The following RORA variants were observed in gnomAD, a reference collection of about 807,000 sequenced individuals.
The protein encoded by RORA is RAR related orphan receptor A.
In RORA, 7 loss-of-function variants were observed where a neutral mutation model predicts 69.5. The ratio of observed to expected loss-of-function variants is 0.10; its 90% CI spans 0.06 to 0.19. The LOEUF (loss-of-function observed/expected upper bound fraction) is 0.19. RORA is among the 10% of genes least tolerant of loss of function. The pLI is 1.00. For synonymous variants in RORA, 261 were observed against 240.8 expected (o/e 1.08, Z -0.78); for missense variants, 457 against 663.0 (o/e 0.69, Z 3.41).
chr15:60,929,635 G>C (rs561961375), intron 1 of RORA, among the ~76,000 whole-genome samples: 2 of 152,306 alleles, frequency 1.3e-5, no homozygotes, highest in African/African-American at 4.8e-5. Context: ...TGTTTGGTTG[G>C]GAAATCTTAC....
At chr15:61,192,081 G>A (rs900953557) in intron 1 of RORA, among the ~76,000 whole-genome samples, 3 of 152,204 alleles carry the variant, frequency 2.0e-5, no homozygotes, top group African/African-American at 7.2e-5. Flanking sequence ...AACAGAGGTC[G>A]TGTCAGCACA....
At chr15:60,561,011 G>A (rs1400220420) in intron 2 of RORA, among the ~76,000 whole-genome samples, 2 of 145,658 alleles carry the variant, frequency 1.4e-5, no homozygotes. Flanking sequence ...TGGCAGTGAT[G>A]TTTTAAAATG....
At chr15:61,024,424 C>T (rs1319480943) in intron 1 of RORA, among the ~76,000 whole-genome samples, 2 of 149,794 alleles carry the variant, frequency 1.3e-5, no homozygotes, top group African/African-American at 4.9e-5. Flanking sequence ...GCTGGGACTG[C>T]AGGTGCAAGC....
At position 61,119,442 on chromosome 15, in the gene RORA, A is replaced by T. The variant is rs557847804; in HGVS notation, c.166+109611T>A. 2.0e-5 allele frequency among the ~76,000 whole-genome samples: 3 copies of T among 151,166 alleles called. No homozygotes were observed. The East Asian group carries it at 5.8e-4, about 29-fold the overall frequency. On this transcript the variant is annotated intron_variant, in intron 1 of 10. Transcript: ENST00000335670. ...TATATATATATATACACACACACAAATATATATATACACACAAATATATAT... is the reference window on the plus strand; with the variant it reads ...TATATATATATATACACACACACAATTATATATATACACACAAATATATAT...
intron 1 of RORA, among the ~76,000 whole-genome samples, chr15:61,211,347 G>C (rs1456009260): frequency 1.3e-5 from 2 of 149,708 alleles, no homozygotes; most frequent in African/African-American, 4.9e-5. Flanking sequence ...CTTCCGCTCA[G>C]AAGTGCCAAC....
intron 1 of RORA, among the ~76,000 whole-genome samples, chr15:61,096,476 T>G (rs569641374): frequency 6.6e-6 from 1 of 152,364 alleles, no homozygotes; most frequent in Non-Finnish European, 1.5e-5. Flanking sequence ...CACTGGAAGC[T>G]ATTTTAGACA....
intron 1 of RORA, among the ~76,000 whole-genome samples, chr15:60,907,438 A>G (rs903813400): frequency 4.6e-5 from 7 of 152,192 alleles, no homozygotes; most frequent in Non-Finnish European, 1.0e-4. Flanking sequence ...GGTGACCTTG[A>G]CCTTGACATT....
At chr15:61,115,043 G>A (rs970853050) in intron 1 of RORA, among the ~76,000 whole-genome samples, 4 of 152,188 alleles carry the variant, frequency 2.6e-5, no homozygotes, top group Admixed American at 2.0e-4. Flanking sequence ...AACATGTTGC[G>A]TGTACAGTAG....
At chr15:60,742,656 C>T (rs958935404) in intron 1 of RORA, among the ~76,000 whole-genome samples, 1 of 152,200 alleles carries the variant, frequency 6.6e-6, no homozygotes, top group African/African-American at 2.4e-5. Flanking sequence ...TCAGTCTTTG[C>T]TAACACTATT....
intron 1 of RORA, among the ~76,000 whole-genome samples, chr15:60,920,523 A>G (rs899546112): frequency 1.3e-5 from 2 of 152,184 alleles, no homozygotes; most frequent in African/African-American, 4.8e-5. Flanking sequence ...AAAGTCACCA[A>G]GCTTTACCAG....
chr15:60,918,210 T>C (rs1485975101), intron 1 of RORA, among the ~76,000 whole-genome samples: 1 of 152,198 alleles, frequency 6.6e-6, no homozygotes, highest in Non-Finnish European at 1.5e-5. Context: ...GTTGCTAACT[T>C]AACAGAGCCT....
intron 1 of RORA, among the ~76,000 whole-genome samples, chr15:60,943,864 C>T (rs777647203): frequency 1.3e-4 from 17 of 130,214 alleles, no homozygotes; most frequent in Middle Eastern, 5.4e-3. Context: ...TGCAGTGACC[C>T]GAGATCATGC....
At chr15:60,873,308 A>C (rs2073579702) in intron 1 of RORA, among the ~76,000 whole-genome samples, 1 of 150,780 alleles carries the variant, frequency 6.6e-6, no homozygotes, top group African/African-American at 2.4e-5. Flanking sequence ...TATGTGTGCA[A>C]GTTATCTTAA....
chr15:61,207,084 A>G (rs12591331), intron 1 of RORA, among the ~76,000 whole-genome samples: 80,960 of 151,808 alleles, frequency 0.53, 21,981 homozygotes, highest in Non-Finnish European at 0.58. Context: ...ACGTGTGTGT[A>G]TATATATATA....
intron 1 of RORA, among the ~76,000 whole-genome samples, chr15:60,982,099 C>A (rs560610105): frequency 1.3e-5 from 2 of 152,304 alleles, no homozygotes; most frequent in Admixed American, 6.5e-5. Flanking sequence ...AAATATCCTT[C>A]AACACTTGGA....
chr15:60,636,391 T>C (rs1362017686), intron 2 of RORA, among the ~76,000 whole-genome samples: 1 of 152,110 alleles, frequency 6.6e-6, no homozygotes, highest in Admixed American at 6.6e-5. Context: ...GAAGAGAAAG[T>C]ATTAGGTTGA....
intron 1 of RORA, among the ~76,000 whole-genome samples, chr15:60,927,853 C>T (rs999808881): frequency 6.6e-6 from 1 of 152,214 alleles, no homozygotes; most frequent in Non-Finnish European, 1.5e-5. Context: ...TGAGACCATT[C>T]AGTCCGATGT....
At chr15:60,784,854 G>C (rs1017431378) in intron 1 of RORA, among the ~76,000 whole-genome samples, 5 of 152,046 alleles carry the variant, frequency 3.3e-5, no homozygotes, top group African/African-American at 1.2e-4. Flanking sequence ...TTGTGTGAAG[G>C]GTCATGTGAA....
rs1313968871 is a variant in RORA, at chr15:60,503,687, A to G, written c.943-20T>C. On this transcript the variant is annotated intron_variant, in intron 6 of 10. Transcript: ENST00000335670. ...CCGCTGCTGTTAAAGAGGGAAACAC[A>G]TTAACATCCTCCAGGAAGATGTTAG... is the stretch of plus-strand genomic sequence containing the variant. The G allele has an allele frequency of 1.9e-6, 3 of 1,612,430 alleles. No homozygotes were observed. Among genetic ancestry groups the G allele is most frequent in the Non-Finnish European group, 2.5e-6 (3 of 1,179,604 alleles).
Sources: gnomAD v4.1 joint callset for allele counts (sites outside exome capture counted in the v4.1 genomes callset) on GRCh38, gnomAD v4.1.1 for gene constraint, MANE v1.5 for transcripts, NCBI Gene and HGNC (gene_info 2026-07-23, HGNC 2026-07-21) for gene names.